PTPRG: variants seen among roughly 807,000 people sequenced by gnomAD.
The protein encoded by PTPRG is receptor-type tyrosine-protein phosphatase gamma.
A neutral mutation model predicts 165.3 loss-of-function variants in PTPRG; 102 were observed. The ratio of observed to expected loss-of-function variants is 0.62; its 90% CI spans 0.53 to 0.73. The LOEUF (loss-of-function observed/expected upper bound fraction) is 0.73. Ranked by LOEUF, PTPRG falls within the 30% of genes least tolerant of loss-of-function variation. The pLI, the probability that PTPRG is intolerant of heterozygous loss-of-function variation, is 0.00. For synonymous variants in PTPRG, 675 were observed against 669.5 expected, an observed-to-expected ratio of 1.01 and a Z score of -0.13; for missense variants, 1,866 against 1,861.4, an observed-to-expected ratio of 1.00 and a Z score of -0.05.
At chr3:61,750,771 C>T (rs1315526973) in intron 2 of PTPRG, 2 of 152,154 alleles carry the variant, frequency 1.3e-5, no homozygotes, top group Non-Finnish European at 2.9e-5. Flanking sequence ...TTATAATTTT[C>T]ATGTGTCAGG....
intron 1 of PTPRG, among the ~76,000 whole-genome samples, chr3:61,645,801 T>C (rs558700843): frequency 2.6e-5 from 4 of 152,354 alleles, no homozygotes; most frequent in South Asian, 2.1e-4. Context: ...TTATGTACAA[T>C]AACAGGCAGT....
At chr3:61,572,698 T>C (rs1435518059) in intron 1 of PTPRG, among the ~76,000 whole-genome samples, 2 of 152,006 alleles carry the variant, frequency 1.3e-5, no homozygotes, top group Non-Finnish European at 2.9e-5. Context: ...CCCGTGAAAG[T>C]GGGGTTACTC....
intron 1 of PTPRG, among the ~76,000 whole-genome samples, chr3:61,652,334 A>G (rs1702376109): frequency 6.6e-6 from 1 of 151,958 alleles, no homozygotes; most frequent in Non-Finnish European, 1.5e-5. Flanking sequence ...TAAAATGAAG[A>G]ATCAAATAAA....
At chr3:62,207,734 G>A (rs1356895437) in intron 12 of PTPRG, among the ~76,000 whole-genome samples, 1 of 152,168 alleles carries the variant, frequency 6.6e-6, no homozygotes, top group African/African-American at 2.4e-5. Flanking sequence ...CCTGTGAGTA[G>A]TGGCTTTAAT....
chr3:61,894,370 G>C (rs1306256919), intron 2 of PTPRG, among the ~76,000 whole-genome samples: 1 of 144,390 alleles, frequency 6.9e-6, no homozygotes, highest in East Asian at 2.0e-4. Context: ...TGGAGGAGTT[G>C]GAAACTATTT....
intron 2 of PTPRG, among the ~76,000 whole-genome samples, chr3:61,929,960 A>G (rs2039317867): frequency 1.3e-5 from 2 of 152,214 alleles, no homozygotes; most frequent in African/African-American, 2.4e-5. Context: ...TGTTTTAATT[A>G]AAACTATTAG....
chr3:62,235,294 A>G (rs886295451), intron 14 of PTPRG, among the ~76,000 whole-genome samples: 3 of 152,166 alleles, frequency 2.0e-5, no homozygotes, highest in Non-Finnish European at 2.9e-5. Flanking sequence ...CCAGATGTTC[A>G]GAATATTCCA....
intron 2 of PTPRG, among the ~76,000 whole-genome samples, chr3:61,913,835 C>T (rs1410471596): frequency 6.6e-6 from 1 of 152,168 alleles, no homozygotes; most frequent in Non-Finnish European, 1.5e-5. Context: ...GGGAAATCTC[C>T]CCAGCTTTTA....
At chr3:62,149,825 G>A (rs762476199) in intron 6 of PTPRG, among the ~76,000 whole-genome samples, 38 of 152,236 alleles carry the variant, frequency 2.5e-4, no homozygotes, top group African/African-American at 8.9e-4. Context: ...AATTCTGAGC[G>A]GGATTATCAA....
intron 1 of PTPRG, among the ~76,000 whole-genome samples, chr3:61,746,050 CTTTT>C (rs10618160): frequency 9.8e-4 from 128 of 130,792 alleles, no homozygotes; most frequent in Middle Eastern, 3.8e-3. Flanking sequence ...TTTTTCTTTT[CTTTT>C]TTTTTTTTTT....
chr3:61,843,046 G>A (rs2036685897), intron 2 of PTPRG, among the ~76,000 whole-genome samples: 1 of 152,094 alleles, frequency 6.6e-6, no homozygotes, highest in Non-Finnish European at 1.5e-5. Context: ...TGTTGCTCTA[G>A]CCTGATTTAT....
intron 2 of PTPRG, among the ~76,000 whole-genome samples, chr3:61,891,494 C>T (rs1385721785): frequency 6.6e-6 from 1 of 152,124 alleles, no homozygotes; most frequent in African/African-American, 2.4e-5. Context: ...CACATCTCTA[C>T]AGATTTAAAA....
At chr3:61,846,792 A>G (rs771124604) in intron 2 of PTPRG, among the ~76,000 whole-genome samples, 10 of 152,086 alleles carry the variant, frequency 6.6e-5, no homozygotes, top group Admixed American at 3.3e-4. Context: ...GCACATGCCT[A>G]TAGTCCCAGC....
chr3:61,925,473 G>T (rs902788789), intron 2 of PTPRG, among the ~76,000 whole-genome samples: 2 of 152,338 alleles, frequency 1.3e-5, no homozygotes, highest in African/African-American at 4.8e-5. Context: ...GCTGGGTGCA[G>T]TGGCTCACAC....
At chr3:62,136,808 A>C (rs1703725624) in intron 6 of PTPRG, among the ~76,000 whole-genome samples, 1 of 152,206 alleles carries the variant, frequency 6.6e-6, no homozygotes, top group East Asian at 1.9e-4. Context: ...AGGCCTCCCC[A>C]GTCACGTGGA....
chr3:62,135,149 C>A (rs2106934114), intron 6 of PTPRG, among the ~76,000 whole-genome samples: 1 of 151,756 alleles, frequency 6.6e-6, no homozygotes, highest in South Asian at 2.1e-4. Context: ...TGGTACATGC[C>A]TGCAGTCCCA....
chr3:61,951,757 G>T (rs1340726734), intron 2 of PTPRG, among the ~76,000 whole-genome samples: 3 of 152,116 alleles, frequency 2.0e-5, no homozygotes, highest in African/African-American at 7.2e-5. Context: ...TTGCTGATGG[G>T]GTTACTTGAT....
chr3:61,868,074 C>T (rs1266944813), intron 2 of PTPRG, among the ~76,000 whole-genome samples: 2 of 152,128 alleles, frequency 1.3e-5, no homozygotes, highest in African/African-American at 2.4e-5. Flanking sequence ...TTTACATAAG[C>T]CCCTCCCCAC....
chr3:61,907,649 T>G (rs1430995452), intron 2 of PTPRG, among the ~76,000 whole-genome samples: 1 of 152,166 alleles, frequency 6.6e-6, no homozygotes, highest in African/African-American at 2.4e-5. Flanking sequence ...AGACAAAAGT[T>G]CCTGTAATTA....
Sources: allele counts gnomAD v4.1 joint callset (sites outside exome capture counted in the v4.1 genomes callset), GRCh38; gene constraint gnomAD v4.1.1; transcripts MANE v1.5; gene names NCBI Gene and HGNC (gene_info 2026-07-23, HGNC 2026-07-21).